Variants in LRRC66 observed in about 807,000 individuals in gnomAD.
LRRC66 encodes leucine rich repeat containing 66.
In LRRC66, 29 loss-of-function variants were observed where a neutral mutation model predicts 24.6. The observed-to-expected ratio is 1.18, with a 90% confidence interval of 0.88 to 1.61. The LOEUF is 1.61. Ranked by LOEUF, LRRC66 falls within the 40% of genes most tolerant of loss-of-function variation. The probability of loss-of-function intolerance (pLI) is 0.00; values close to 1 mark genes in which losing one functional copy is unlikely to be tolerated. For synonymous variants in LRRC66, 411 were observed against 397.6 expected, an observed-to-expected ratio of 1.03 and a Z score of -0.40; for missense variants, 1,124 against 1,058.0, an observed-to-expected ratio of 1.06 and a Z score of -0.87.
In LRRC66 at chr4:51,995,019, A is replaced by G; in HGVS notation, c.2003T>C (p.Val668Ala). The change falls in exon 5 of 5, where the codon GTC becomes GCC. Residue 668 changes from valine (V) to alanine (A), a missense_variant. Transcript: ENST00000682860. ...YGDPRDTGPS[V>A]FPPRWDSGLD... ...GCCACTGTCCCATCTTGGAGGAAAG[A>G]CTGATGGGCCTGTGTCTCTTGGGTC... The G allele has an allele frequency of 2.5e-6, 4 of 1,614,086 alleles. No homozygotes were observed. The highest frequency in any genetic ancestry group is 3.4e-6 in the Non-Finnish European group (4 of 1,180,014).
intron 2 of LRRC66, among the ~76,000 whole-genome samples, chr4:52,014,082 C>G (rs139414780): frequency 1.3e-5 from 2 of 152,086 alleles, no homozygotes; most frequent in African/African-American, 4.8e-5. Flanking sequence ...GGAGGAGCCC[C>G]GTCTCTACTA....
At chr4:52,019,931 A>C (rs2110206455) in intron 1 of LRRC66, among the ~76,000 whole-genome samples, 1 of 152,304 alleles carries the variant, frequency 6.6e-6, no homozygotes, top group Non-Finnish European at 1.5e-5. Context: ...CTTATATCTT[A>C]AAGTGAAAGG....
At chr4:51,998,159 G>A (rs1179439469) in intron 3 of LRRC66, among the ~76,000 whole-genome samples, 2 of 152,162 alleles carry the variant, frequency 1.3e-5, no homozygotes, top group Non-Finnish European at 2.9e-5. Flanking sequence ...CTCCCTCCCA[G>A]GGTTGCTGGA....
intron 2 of LRRC66, among the ~76,000 whole-genome samples, chr4:52,007,004 AAAC>A (rs1408052816): frequency 2.6e-5 from 4 of 152,154 alleles, no homozygotes; most frequent in Non-Finnish European, 5.9e-5. Context: ...TATTAACTAA[AAAC>A]AAATAAAAAC....
chr4:52,013,780 A>G (rs1736750665), intron 2 of LRRC66, among the ~76,000 whole-genome samples: 1 of 152,206 alleles, frequency 6.6e-6, no homozygotes, highest in Non-Finnish European at 1.5e-5. Flanking sequence ...TTCTAGAAAT[A>G]GTCCCCATTT....
chr4:51,997,864 A>T lies in LRRC66; in HGVS notation c.740T>A (p.Leu247Gln). ...GTTATTATCAGCCAAGTCAACCACT[A>T]GATGGGGAAATTCTAGAGCTATGAT... ...MMIIALEFPH[L>Q]VVDLADNNWQ... Residue 247 changes from leucine to glutamine, a missense_variant, in exon 4 of 5, where the codon CTA becomes CAA. Transcript: ENST00000682860. 1 of 1,614,092 alleles carries T rather than the reference A, an allele frequency of 6.2e-7. No homozygotes were observed. Among genetic ancestry groups the T allele is most frequent in the Non-Finnish European group, 8.5e-7 (1 of 1,179,952 alleles).
chr4:52,018,631 C>T, intron 1 of LRRC66: 1 of 973,584 alleles, frequency 1.0e-6, no homozygotes, highest in Non-Finnish European at 1.2e-6. Context: ...GATTATTTTC[C>T]TACAATAACG....
intron 2 of LRRC66, 42 bp downstream of exon 2, chr4:52,017,076 C>CA: frequency 6.4e-7 from 1 of 1,551,298 alleles, no homozygotes; most frequent in Non-Finnish European, 8.7e-7. Flanking sequence ...GAAACAACTC[C>CA]ACGTAAGCAT....
intron 1 of LRRC66, among the ~76,000 whole-genome samples, chr4:52,019,115 C>G (rs1445975894): frequency 6.6e-6 from 1 of 152,112 alleles, no homozygotes; most frequent in Non-Finnish European, 1.5e-5. Flanking sequence ...CCTCAGGTGA[C>G]CCGCCCACCT....
At chr4:52,018,376 G>A in intron 1 of LRRC66, 2 of 984,476 alleles carry the variant, frequency 2.0e-6, no homozygotes, top group Non-Finnish European at 2.4e-6. Flanking sequence ...ACAAAAATAA[G>A]TTTAAAAATG....
chr4:51,999,177 C>A (rs949313820), intron 3 of LRRC66, among the ~76,000 whole-genome samples: 10 of 152,072 alleles, frequency 6.6e-5, no homozygotes, highest in Non-Finnish European at 1.0e-4. Flanking sequence ...AAGAGAAAAT[C>A]ATAAAGATGA....
In LRRC66 at chr4:51,995,284, GGGAA is replaced by G; in HGVS notation, c.1734_1737del (p.Leu580ProfsTer4). The stretch of plus-strand genomic sequence containing the variant: ...AGGGAAGCTGTTATTTCTCCGGAGA[GGGAA>G]GGGTCTAATTCATTGGAATCATAAC... On this transcript the variant is annotated frameshift_variant, in exon 5 of 5. Coordinates refer to ENST00000682860, the MANE Select transcript of LRRC66 (RefSeq NM_001024611.3). LOFTEE classifies it low-confidence loss of function (END_TRUNC). 6.2e-7 allele frequency: 1 copy of G among 1,614,194 alleles called. No homozygotes were observed. Among genetic ancestry groups the G allele is most frequent in the Non-Finnish European group, 8.5e-7 (1 of 1,180,040 alleles).
In LRRC66 at chr4:52,017,628, G is replaced by A. The variant is rs1293227090; in HGVS notation, c.-5-10C>T. 9.9e-6 allele frequency: 15 copies of A among 1,522,616 alleles called. No homozygotes were observed. The highest frequency in any genetic ancestry group is 1.3e-5 in the Non-Finnish European group (15 of 1,145,936). 94.3% of individuals were successfully genotyped at this position (1,522,616 alleles called of 1,614,324 possible). ...AGGTTTTTCATAATGCCTGGAAAAA[G>A]GAAAATGAATTGACTTATTCACAAT... On this transcript the variant is annotated splice_polypyrimidine_tract_variant and intron_variant, in intron 1 of 4. Coordinates refer to ENST00000682860, the MANE Select transcript of LRRC66 (RefSeq NM_001024611.3).
Position 51,998,900 on chromosome 4 carries a change from C to T in LRRC66, c.667-963G>A, listed in dbSNP as rs181917818. 8.3e-4 allele frequency among the ~76,000 whole-genome samples: 126 copies of T among 152,300 alleles called. 1 individual carries two copies. The highest frequency in any genetic ancestry group is 1.0e-3 in the Non-Finnish European group (68 of 68,032). On this transcript the variant is annotated intron_variant, in intron 3 of 4. Transcript: ENST00000682860. ...CTACAGAGGAAGAAGCTGGGTTAAG[C>T]CACACAGTATATCCCACATAGACCC...
intron 2 of LRRC66, among the ~76,000 whole-genome samples, chr4:52,004,848 CATT>C (rs1736537717): frequency 6.6e-6 from 1 of 152,172 alleles, no homozygotes; most frequent in African/African-American, 2.4e-5. Flanking sequence ...TCAATCAAAA[CATT>C]ATGGGCAAGG....
chr4:51,997,482 T>G (rs980972028), intron 4 of LRRC66, among the ~76,000 whole-genome samples: 6 of 152,314 alleles, frequency 3.9e-5, no homozygotes, highest in Admixed American at 1.3e-4. Flanking sequence ...TCACTTCTAG[T>G]GGAATTCCTC....
chr4:51,995,430 T>G lies in LRRC66; in HGVS notation c.1592A>C (p.Asn531Thr). 1 of 1,614,180 alleles carries G rather than the reference T, an allele frequency of 6.2e-7. No individual in the cohort carries two copies. Among genetic ancestry groups the G allele is most frequent in the South Asian group, 1.1e-5 (1 of 91,086 alleles). ...ATAAGTCCATTCTCCGAGAATATCA[T>G]TCCTATGGATGTGGTCCTGCGCTGC... ...MSAAQDHIHR[N>T]DILGEWTYET... is the part of the protein sequence containing the mutation. Residue 531 changes from asparagine (N) to threonine (T), a missense_variant, in exon 5 of 5, where the codon AAT becomes ACT. Physicochemically the swap from Asn to Thr is moderately conservative, Grantham distance 65 (BLOSUM62 0). Coordinates refer to ENST00000682860, the MANE Select transcript of LRRC66 (RefSeq NM_001024611.3).
intron 3 of LRRC66, among the ~76,000 whole-genome samples, chr4:52,000,945 T>A (rs566859169): frequency 1.3e-3 from 191 of 152,342 alleles, no homozygotes; most frequent in African/African-American, 4.1e-3. Context: ...TTTGTAGTAA[T>A]GTATTATGCA....
In LRRC66 at chr4:51,995,798, C is replaced by A. The variant is rs1175422366; in HGVS notation, c.1224G>T (p.Lys408Asn). 1 of 1,613,964 alleles carries A rather than the reference C, an allele frequency of 6.2e-7. No homozygotes were observed. Among genetic ancestry groups the A allele is most frequent in the African/African-American group, 1.3e-5 (1 of 74,888 alleles). The change falls in exon 5 of 5, where the codon AAG (lysine) becomes AAT (asparagine). Residue 408 changes from lysine to asparagine, a missense_variant. Transcript: ENST00000682860. ...CCAGGCCAGGGCTTTTGCTCTGGCA[C>A]TTTTTTTGCCACAGTCTGTCAACAT... ...RPYVDRLWQK[K>N]CQSKSPGLDN...
Sources: gnomAD v4.1 joint callset for allele counts (sites outside exome capture counted in the v4.1 genomes callset) on GRCh38, gnomAD v4.1.1 for gene constraint, MANE v1.5 for transcripts, NCBI Gene and HGNC (gene_info 2026-07-23, HGNC 2026-07-21) for gene names.